Variants in RUBCN observed in about 807,000 individuals in gnomAD.
The protein encoded by RUBCN is run domain Beclin-1-interacting and cysteine-rich domain-containing protein.
A neutral mutation model predicts 113.2 loss-of-function variants in RUBCN; 74 were observed. The ratio of observed to expected loss-of-function variants is 0.65; its 90% CI spans 0.54 to 0.79. The LOEUF (loss-of-function observed/expected upper bound fraction) is 0.79. Among genes scored for constraint, RUBCN ranks in the 30% least tolerant of loss-of-function variants. The probability of loss-of-function intolerance (pLI) is 0.00; values close to 1 mark genes in which losing one functional copy is unlikely to be tolerated. For synonymous variants in RUBCN, 480 were observed against 490.0 expected (o/e 0.98, Z 0.27); for missense variants, 1,109 against 1,251.7 (o/e 0.89, Z 1.72).
chr3:197,677,388 T>C, intron 17 of RUBCN, 92 bp downstream of exon 17: 1 of 1,079,640 alleles, frequency 9.3e-7, no homozygotes, highest in African/African-American at 1.5e-5. Flanking sequence ...CTCTCTACTC[T>C]CCTTCGTTAC....
chr3:197,681,999 TGGGAAGAGAG>T lies in RUBCN; in HGVS notation c.2127-110_2127-101del. The T allele has an allele frequency of 1.1e-6, 1 of 916,570 alleles. No homozygotes were observed. The allele number at this position is 916,570 out of a possible 1,614,324, so 56.8% of individuals were successfully genotyped here. A position where few individuals can be genotyped will look rare whatever the true frequency, so the allele number is the denominator to read the frequency against. The stretch of plus-strand genomic sequence containing the variant: ...ACATACATACAGCTCCAGTTAAGTA[TGGGAAGAGAG>T]GGGAATTCACCTACATTTTAGTTGG... On this transcript the variant is annotated intron_variant, in intron 14 of 19. Coordinates refer to ENST00000296343, the MANE Select transcript of RUBCN (RefSeq NM_014687.4). This position sits in a 1 kb window ranked among gnomAD's most constrained non-coding sequence, Gnocchi z 5.5.
intron 3 of RUBCN, 88 bp from the exon 4 acceptor site, chr3:197,704,789 C>T: frequency 7.3e-7 from 1 of 1,371,336 alleles, no homozygotes; most frequent in African/African-American, 1.4e-5. Flanking sequence ...TAAATTGAGA[C>T]AGGTAAGGGA....
chr3:197,699,043 G>T (rs1222773807), intron 7 of RUBCN: 16 of 693,724 alleles, frequency 2.3e-5, no homozygotes, highest in Non-Finnish European at 3.5e-5. Flanking sequence ...ATGAAATACT[G>T]GTATCATTTT....
rs1723566002 is a variant in RUBCN at position 197,700,832 on chromosome 3, T to G, written c.1042A>C (p.Ser348Arg). 1.2e-6 allele frequency: 2 copies of G among 1,614,076 alleles called. No individual in the cohort carries two copies. Among genetic ancestry groups the G allele is most frequent in the Non-Finnish European group, 1.7e-6 (2 of 1,180,016 alleles). ...SCQSHSSNAE[S>R]SSSNLFSSSS... ...GAGGAGAACAAATTGGAACTGCTGC[T>G]CTCGGCATTGCTGCTGTGACTCTGA... Residue 348 changes from serine to arginine, a missense_variant, in exon 7 of 20, where the codon AGC becomes CGC. Ser to Arg is a moderately radical substitution (Grantham distance 110). This residue lies in a region of RUBCN where 736 missense variants were observed against 779.6 expected (regional missense o/e 0.94). Transcript: ENST00000296343.
At chr3:197,718,812 C>T (rs887320687) in intron 1 of RUBCN, among the ~76,000 whole-genome samples, 2 of 152,318 alleles carry the variant, frequency 1.3e-5, no homozygotes, top group Admixed American at 6.5e-5. Context: ...CAGAACCAGA[C>T]ATCTTTTGCC....
upstream of RUBCN, among the ~76,000 whole-genome samples, chr3:197,740,185 C>T (rs530007221): frequency 1.3e-5 from 2 of 152,220 alleles, no homozygotes; most frequent in South Asian, 4.1e-4. Flanking sequence ...ACTAGCCATG[C>T]GTTACCTATC....
chr3:197,726,715 A>AT (rs1348014365), intron 1 of RUBCN, among the ~76,000 whole-genome samples: 5 of 141,802 alleles, frequency 3.5e-5, no homozygotes, highest in South Asian at 2.2e-4. Flanking sequence ...TAATTTTTGT[A>AT]TTTTTTAGTA....
rs1719680698 is a variant in RUBCN at position 197,670,426 on chromosome 3, T to C, written c.*4592A>G. Among the ~76,000 whole-genome samples the C allele has an allele frequency of 6.6e-6, 1 of 152,236 alleles. No homozygotes were observed. Among genetic ancestry groups the C allele is most frequent in the South Asian group, 2.1e-4 (1 of 4,830 alleles). On this transcript the variant is annotated 3_prime_UTR_variant, in exon 20 of 20. Transcript: ENST00000296343. ...GGCTGCCATTGTGAATCAATGGTCC[T>C]TGTTTTCCTCTTCAACAGTCTTTCC...
At chr3:197,716,172 G>A (rs1725488998) in intron 2 of RUBCN, among the ~76,000 whole-genome samples, 1 of 152,212 alleles carries the variant, frequency 6.6e-6, no homozygotes, top group South Asian at 2.1e-4. Context: ...CTGTCGCTCA[G>A]GCTGGAGCGC....
Position 197,703,480 on chromosome 3 carries a change from T to A in RUBCN, c.570+68A>T, listed in dbSNP as rs144639962. On this transcript the variant is annotated intron_variant, in intron 5 of 19. Coordinates refer to ENST00000296343, the MANE Select transcript of RUBCN (RefSeq NM_014687.4). ...AATGGCTAAGTGAAAAAGTTTGCTGTAGAGGGCTACATCCTGCTGAGCTCC... is the reference window on the plus strand; with the variant it reads ...AATGGCTAAGTGAAAAAGTTTGCTGAAGAGGGCTACATCCTGCTGAGCTCC... The A allele has an allele frequency of 2.1e-4, 202 of 961,938 alleles. No individual in the cohort carries two copies. The East Asian group carries it at 4.2e-3, about 20-fold the overall frequency. The allele number at this position is 961,938 out of a possible 1,614,324, so 59.6% of individuals were successfully genotyped here.
At chr3:197,712,530 A>T (rs1725068373) in intron 2 of RUBCN, among the ~76,000 whole-genome samples, 1 of 152,160 alleles carries the variant, frequency 6.6e-6, no homozygotes, top group Non-Finnish European at 1.5e-5. Flanking sequence ...ATGAAAGCGA[A>T]AAACAAGTTC....
At chr3:197,725,215 A>G (rs963737462) in intron 1 of RUBCN, among the ~76,000 whole-genome samples, 1 of 152,112 alleles carries the variant, frequency 6.6e-6, no homozygotes, top group Non-Finnish European at 1.5e-5. Context: ...TTCCTCCTTC[A>G]GGTAGAAAAA....
rs372329370 is a variant in RUBCN, at chr3:197,674,908, TAA to T, written c.*108_*109del. 25,247 of 605,950 alleles carry T rather than the reference TAA, an allele frequency of 0.042. No homozygotes were observed. Among genetic ancestry groups the T allele is most frequent in the Middle Eastern group, 0.058 (115 of 1,998 alleles). The allele number at this position is 605,950 out of a possible 1,614,324, so 37.5% of individuals were successfully genotyped here. A position where few individuals can be genotyped will look rare whatever the true frequency, so the allele number is the denominator to read the frequency against. ...AAAAAAAAAAAAAGATGATGATAAT[TAA>T]AAAAAAAAAAAAAAAAAGAAGCCCC... On this transcript the variant is annotated 3_prime_UTR_variant, in exon 20 of 20. Transcript: ENST00000296343.
chr3:197,739,575 A>G (rs941916605), upstream of RUBCN, among the ~76,000 whole-genome samples: 3 of 152,044 alleles, frequency 2.0e-5, no homozygotes, highest in Non-Finnish European at 4.4e-5. Flanking sequence ...GGGCGCCTGT[A>G]GTCCCAGCTA....
At chr3:197,682,040 A>T in intron 14 of RUBCN, 141 bp from the exon 15 acceptor site, 1 of 734,264 alleles carries the variant, frequency 1.4e-6, no homozygotes. Flanking sequence ...GTTGGACAAA[A>T]ATGAACCTAT....
intron 1 of RUBCN, among the ~76,000 whole-genome samples, chr3:197,731,416 C>A (rs1727448959): frequency 6.6e-6 from 1 of 152,236 alleles, no homozygotes; most frequent in Non-Finnish European, 1.5e-5. Context: ...ACACGGCAAC[C>A]ATCCGATTTC....
At chr3:197,706,365 T>C (rs1724296624) in intron 2 of RUBCN, among the ~76,000 whole-genome samples, 1 of 152,026 alleles carries the variant, frequency 6.6e-6, no homozygotes. Flanking sequence ...TAATTAAAAA[T>C]ATATAGAGCT....
At chr3:197,700,051 G>C (rs1347308216) in intron 7 of RUBCN, among the ~76,000 whole-genome samples, 2 of 152,168 alleles carry the variant, frequency 1.3e-5, no homozygotes, top group East Asian at 3.8e-4. Flanking sequence ...GCTGGTGTTT[G>C]GTGAGGGAGG....
At chr3:197,692,992 G>GT (rs917169043) in intron 11 of RUBCN, among the ~76,000 whole-genome samples, 1 of 152,202 alleles carries the variant, frequency 6.6e-6, no homozygotes, top group African/African-American at 2.4e-5. Flanking sequence ...ATTCACTTCA[G>GT]TAAGGAAACT....
Sources: allele counts gnomAD v4.1 joint callset (sites outside exome capture counted in the v4.1 genomes callset), GRCh38; gene constraint gnomAD v4.1.1; regional missense constraint gnomAD v4.1.1; non-coding constraint Gnocchi (gnomAD v3.1); transcripts MANE v1.5; gene names NCBI Gene and HGNC (gene_info 2026-07-23, HGNC 2026-07-21).